The following ITGAX variants were observed in gnomAD, a reference collection of about 807,000 sequenced individuals.
ITGAX encodes integrin alpha-X.
Under a neutral mutation model 140.2 loss-of-function variants are expected in ITGAX, and 99 were observed. The observed-to-expected ratio is 0.71, with a 90% CI of 0.60 to 0.83. ITGAX has a LOEUF of 0.83. Ranked by LOEUF, ITGAX falls within the 40% of genes least tolerant of loss-of-function variation. The pLI is 0.00. For synonymous variants in ITGAX, 631 were observed against 600.4 expected (o/e 1.05, Z -0.75); for missense variants, 1,444 against 1,482.0 (o/e 0.97, Z 0.42).
At chr16:31,366,764 C>G (rs1047442136) in intron 14 of ITGAX, among the ~76,000 whole-genome samples, 2 of 152,232 alleles carry the variant, frequency 1.3e-5, no homozygotes, top group Non-Finnish European at 2.9e-5. Context: ...GATCTGCCTG[C>G]CTTGGCCTCC....
At chr16:31,355,595 C>T (rs376839038) in intron 1 of ITGAX, among the ~76,000 whole-genome samples, 4 of 152,246 alleles carry the variant, frequency 2.6e-5, no homozygotes, top group East Asian at 1.9e-4. Context: ...TGCTTTGGTC[C>T]GCAAGTTTTC....
At chr16:31,372,565 C>G (rs367942968) in intron 18 of ITGAX, 32 bp from the exon 19 acceptor site, 1 of 1,613,938 alleles carries the variant, frequency 6.2e-7, no homozygotes, top group African/African-American at 1.3e-5. Flanking sequence ...GCCTGGGTCT[C>G]GGAGAAAACC....
At chr16:31,361,697 A>T (rs2080827695) in intron 9 of ITGAX, 139 bp from the exon 10 acceptor site, 1 of 958,960 alleles carries the variant, frequency 1.0e-6, no homozygotes, top group Non-Finnish European at 1.7e-6. Context: ...GCTGATCTGG[A>T]GGGCAGAGCC....
chr16:31,382,450 C>G lies in ITGAX; in HGVS notation c.*543C>G, dbSNP rs1346412908. ...TACAGTTCTGAATATGCTGCTCATCCCCACCTGTCTTCAACAGCTCCCCAT... is the reference window on the plus strand; with the variant it reads ...TACAGTTCTGAATATGCTGCTCATCGCCACCTGTCTTCAACAGCTCCCCAT... On this transcript the variant is annotated 3_prime_UTR_variant, in exon 30 of 30. Coordinates refer to ENST00000268296, the MANE Select transcript of ITGAX (RefSeq NM_000887.5). 5.9e-6 allele frequency: 9 copies of G among 1,535,398 alleles called. No individual in the cohort carries two copies. The South Asian group carries it at 8.3e-5, about 14-fold the overall frequency.
Position 31,362,993 on chromosome 16 carries a change from C to T in ITGAX, c.1418C>T (p.Thr473Ile), listed in dbSNP as rs745741779. ...GTGGACGTAGACAGCGACGGCAGCACCGACCTGGTCCTCATCGGGGCCCCC... is the reference window on the plus strand; with the variant it reads ...GTGGACGTAGACAGCGACGGCAGCATCGACCTGGTCCTCATCGGGGCCCCC... ...CSVDVDSDGSTDLVLIGAPHY... is the reference protein window; with the variant it reads ...CSVDVDSDGSIDLVLIGAPHY... Residue 473 changes from threonine (T) to isoleucine (I), a missense_variant, in exon 13 of 30, where the codon ACC becomes ATC. By Grantham distance (89) the Thr-to-Ile change is moderately conservative. Coordinates refer to ENST00000268296, the MANE Select transcript of ITGAX (RefSeq NM_000887.5). The T allele has an allele frequency of 4.3e-6, 7 of 1,611,976 alleles. No individual in the cohort carries two copies. The South Asian group carries it at 6.6e-5, about 15-fold the overall frequency.
At chr16:31,356,805 A>G (rs2080765349) in intron 3 of ITGAX, 77 bp downstream of exon 3, 1 of 1,110,234 alleles carries the variant, frequency 9.0e-7, no homozygotes. Context: ...GACTCACCGG[A>G]GTGTCACTTT....
rs1482922891 is a variant in ITGAX at position 31,361,826 on chromosome 16, C to G, written c.1013-10C>G. 6.2e-7 allele frequency: 1 copy of G among 1,613,974 alleles called. No homozygotes were observed. The highest frequency in any genetic ancestry group is 8.5e-7 in the Non-Finnish European group (1 of 1,179,902). The stretch of plus-strand genomic sequence containing the variant: ...CCTCCCTGGCACTCAAGCGTCATGC[C>G]TTCCCCCAGGTACGGAGACCACAAG... On this transcript the variant is annotated splice_polypyrimidine_tract_variant and intron_variant, in intron 9 of 29. Coordinates refer to ENST00000268296, the MANE Select transcript of ITGAX (RefSeq NM_000887.5).
Position 31,359,893 on chromosome 16 carries a change from A to G in ITGAX, c.562-27A>G, listed in dbSNP as rs1460611301. The G allele has an allele frequency of 3.7e-6, 6 of 1,613,766 alleles. No homozygotes were observed. The East Asian group carries it at 6.7e-5, about 18-fold the overall frequency. On this transcript the variant is annotated intron_variant, in intron 6 of 29. Transcript: ENST00000268296. Reference sequence around the variant, plus strand: ...GCTTCGATCCTGGTGAAATGGCCTCAGCCCCAGCCCTGTGTGCTTCTCCCA... The same window carrying G: ...GCTTCGATCCTGGTGAAATGGCCTCGGCCCCAGCCCTGTGTGCTTCTCCCA...
chr16:31,373,696 G>C (rs1318996877), intron 20 of ITGAX, among the ~76,000 whole-genome samples: 1 of 152,160 alleles, frequency 6.6e-6, no homozygotes, highest in African/African-American at 2.4e-5. Flanking sequence ...ACACTGTTCT[G>C]TAGAAGCAAG....
chr16:31,371,637 C>G lies in ITGAX; in HGVS notation c.2013C>G (p.Leu671=). Residue 671 remains leucine, a synonymous_variant, in exon 17 of 30, where the codon CTC becomes CTG. Transcript: ENST00000268296. ...RSKNLLGSRD[L]QSSVTLDLAL... ...CCCTGCGACCGCCTACAGGTGACCTCCAAAGCTCTGTGACCTTGGACCTGG... is the reference window on the plus strand; with the variant it reads ...CCCTGCGACCGCCTACAGGTGACCTGCAAAGCTCTGTGACCTTGGACCTGG... 6.2e-7 allele frequency: 1 copy of G among 1,614,164 alleles called. No homozygotes were observed. The highest frequency in any genetic ancestry group is 8.5e-7 in the Non-Finnish European group (1 of 1,180,026).
intron 14 of ITGAX, among the ~76,000 whole-genome samples, chr16:31,364,114 A>G (rs1567299716): frequency 1.3e-5 from 2 of 152,156 alleles, no homozygotes; most frequent in South Asian, 2.1e-4. Context: ...AAAAGTCAAG[A>G]AAGCTCTGTT....
chr16:31,361,547 C>T (rs951248297), intron 9 of ITGAX: 12 of 703,396 alleles, frequency 1.7e-5, no homozygotes, highest in Admixed American at 2.4e-5. Flanking sequence ...ACCAGCCACT[C>T]ACTCCCCTGG....
intron 1 of ITGAX, among the ~76,000 whole-genome samples, chr16:31,355,638 G>A (rs1251913847): frequency 1.3e-5 from 2 of 152,218 alleles, no homozygotes; most frequent in Admixed American, 6.5e-5. Context: ...CGAGGTGCAC[G>A]TTGGGGAAAG....
At chr16:31,380,462 C>A in intron 27 of ITGAX, 61 bp from the exon 28 acceptor site, 4 of 1,611,764 alleles carry the variant, frequency 2.5e-6, no homozygotes, top group Non-Finnish European at 3.4e-6. Flanking sequence ...GCCAGGGCAC[C>A]CCCAGAGCTC....
intron 20 of ITGAX, among the ~76,000 whole-genome samples, chr16:31,374,870 T>G (rs967463497): frequency 3.3e-5 from 5 of 152,286 alleles, no homozygotes; most frequent in Non-Finnish European, 7.3e-5. Context: ...GCAACAGTGT[T>G]GAAAGGTGAA....
intron 14 of ITGAX, among the ~76,000 whole-genome samples, chr16:31,367,962 G>A (rs866030671): frequency 1.3e-5 from 2 of 152,096 alleles, no homozygotes; most frequent in Non-Finnish European, 2.9e-5. Context: ...ACATTAACAC[G>A]AGTTCGGGAG....
rs763872049 is a variant in ITGAX, at chr16:31,380,998, A to G, written c.3378A>G (p.Val1126=). 1 of 1,613,510 alleles carries G rather than the reference A, an allele frequency of 6.2e-7. No homozygotes were observed. Among genetic ancestry groups the G allele is most frequent in the South Asian group, 1.1e-5 (1 of 91,066 alleles). ...TGCTGCTGGCACTCATCACAGCGGT[A>G]CTGTACAAAGTGAGTGTTTTATGCC... is the stretch of plus-strand genomic sequence containing the variant. The part of the protein sequence containing the change: ...GLLLLALITA[V]LYKVGFFKRQ... Residue 1126 remains valine (V), a synonymous_variant, in exon 29 of 30, where the codon GTA becomes GTG. Coordinates refer to ENST00000268296, the MANE Select transcript of ITGAX (RefSeq NM_000887.5).
At chr16:31,369,620 G>A (rs948461794) in intron 14 of ITGAX, among the ~76,000 whole-genome samples, 2 of 152,170 alleles carry the variant, frequency 1.3e-5, no homozygotes, top group East Asian at 3.8e-4. Context: ...ATTATGCCTT[G>A]CTAAAGGCTT....
intron 29 of ITGAX, 129 bp from the exon 30 acceptor site, chr16:31,381,674 A>G (rs2081069854): frequency 1.5e-6 from 1 of 671,914 alleles, no homozygotes; most frequent in East Asian, 2.5e-5. Context: ...TGATGCATAT[A>G]AAGTTCCTAG....
Sources: gnomAD v4.1 joint callset for allele counts (sites outside exome capture counted in the v4.1 genomes callset) on GRCh38, gnomAD v4.1.1 for gene constraint, MANE v1.5 for transcripts, NCBI Gene and HGNC (gene_info 2026-07-23, HGNC 2026-07-21) for gene names.